The following ROBO2 variants were observed in gnomAD, a reference collection of about 807,000 sequenced individuals.
ROBO2 encodes roundabout guidance receptor 2, also known as roundabout homolog 2.
A neutral mutation model predicts 160.8 loss-of-function variants in ROBO2; 53 were observed. The observed-to-expected ratio is 0.33, with a 90% CI of 0.26 to 0.41. ROBO2 has a LOEUF of 0.41. ROBO2 is among the 10% of genes least tolerant of loss of function. The pLI, the probability that ROBO2 is intolerant of heterozygous loss-of-function variation, is 1.00. For synonymous variants in ROBO2, 664 were observed against 611.7 expected, an observed-to-expected ratio of 1.09 and a Z score of -1.26; for missense variants, 1,577 against 1,722.4, an observed-to-expected ratio of 0.92 and a Z score of 1.49.
chr3:76,632,222 A>G lies in ROBO2; in HGVS notation c.110-465792A>G, dbSNP rs189127791. 2.6e-5 allele frequency among the ~76,000 whole-genome samples: 4 copies of G among 152,324 alleles called. No individual in the cohort carries two copies. In the East Asian group the frequency reaches 5.8e-4, roughly 22 times the overall value. ...GGAGAAGTCACTTAACTTCAGTAGA[A>G]TCCTATAATGTCCTCATCTGTAAAT... On this transcript the variant is annotated intron_variant, in intron 2 of 26. Coordinates refer to the ROBO2 transcript ENST00000487694.
chr3:77,100,259 C>T (rs1419359487), intron 2 of ROBO2, among the ~76,000 whole-genome samples: 3 of 151,976 alleles, frequency 2.0e-5, no homozygotes, highest in Non-Finnish European at 4.4e-5. Flanking sequence ...GAGAGGAAAA[C>T]AAGAAGGCTT....
intron 9 of ROBO2, among the ~76,000 whole-genome samples, chr3:77,561,861 T>C (rs1396083487): frequency 1.3e-5 from 2 of 152,130 alleles, no homozygotes; most frequent in Non-Finnish European, 2.9e-5. Flanking sequence ...CCCAGCACTT[T>C]GGGAGGCTGA....
At chr3:77,361,170 G>T (rs2069929890) in intron 2 of ROBO2, among the ~76,000 whole-genome samples, 1 of 152,062 alleles carries the variant, frequency 6.6e-6, no homozygotes, top group African/African-American at 2.4e-5. Context: ...AATGCAGTTT[G>T]CCCAGTTAAA....
At chr3:76,456,987 A>C (rs927818209) in intron 2 of ROBO2, among the ~76,000 whole-genome samples, 1 of 152,148 alleles carries the variant, frequency 6.6e-6, no homozygotes, top group Non-Finnish European at 1.5e-5. Context: ...GGTTCCTCCC[A>C]TAACATGTGA....
At chr3:76,019,818 G>A (rs1232326789) in intron 2 of ROBO2, among the ~76,000 whole-genome samples, 1 of 151,488 alleles carries the variant, frequency 6.6e-6, no homozygotes, top group African/African-American at 2.4e-5. Flanking sequence ...TTTCTCTGAA[G>A]TTCTGTGCGT....
chr3:76,325,329 TTAAAC>T (rs1336331163), intron 2 of ROBO2, among the ~76,000 whole-genome samples: 3 of 152,362 alleles, frequency 2.0e-5, no homozygotes, highest in East Asian at 1.9e-4. Flanking sequence ...GTACAGTAGA[TTAAAC>T]TAAGTTTACT....
At chr3:76,372,079 A>G (rs956526886) in intron 2 of ROBO2, among the ~76,000 whole-genome samples, 2 of 151,888 alleles carry the variant, frequency 1.3e-5, no homozygotes, top group Non-Finnish European at 2.9e-5. Context: ...CGTGTGTTTA[A>G]TTATAACATG....
chr3:77,374,038 C>T (rs1411665938), intron 2 of ROBO2, among the ~76,000 whole-genome samples: 1 of 150,828 alleles, frequency 6.6e-6, no homozygotes, highest in Non-Finnish European at 1.5e-5. Context: ...GGTGTGGTGG[C>T]GGGTGCCTGT....
chr3:76,027,090 A>G (rs565387730), intron 2 of ROBO2, among the ~76,000 whole-genome samples: 1 of 151,938 alleles, frequency 6.6e-6, no homozygotes, highest in Non-Finnish European at 1.5e-5. Flanking sequence ...TATGACTCCC[A>G]ATTTTCATTT....
intron 2 of ROBO2, among the ~76,000 whole-genome samples, chr3:76,761,470 ATATAT>A (rs1560515666): frequency 1.3e-5 from 2 of 151,726 alleles, no homozygotes; most frequent in Admixed American, 6.6e-5. Context: ...GGCTGGGAAA[ATATAT>A]TATATGATTC....
At chr3:76,411,610 A>G (rs2075489765) in intron 2 of ROBO2, among the ~76,000 whole-genome samples, 1 of 152,012 alleles carries the variant, frequency 6.6e-6, no homozygotes, top group South Asian at 2.1e-4. Context: ...TTTTTCCACC[A>G]CACCAGTTCA....
chr3:76,711,810 T>C (rs567099238), intron 2 of ROBO2, among the ~76,000 whole-genome samples: 2 of 152,346 alleles, frequency 1.3e-5, no homozygotes, highest in East Asian at 3.9e-4. Context: ...GAAACTCCTA[T>C]TGATTTTAAC....
intron 2 of ROBO2, among the ~76,000 whole-genome samples, chr3:76,896,878 A>G (rs1218324051): frequency 6.6e-6 from 1 of 152,176 alleles, no homozygotes; most frequent in Non-Finnish European, 1.5e-5. Flanking sequence ...AGTATTTTTA[A>G]GCTCCAAATT....
chr3:77,295,141 A>C (rs535283816), intron 2 of ROBO2, among the ~76,000 whole-genome samples: 1 of 150,966 alleles, frequency 6.6e-6, no homozygotes, highest in South Asian at 2.1e-4. Context: ...CCAGATATAA[A>C]GTAAAATTGA....
chr3:77,129,593 G>A (rs971381565), intron 2 of ROBO2, among the ~76,000 whole-genome samples: 3 of 152,166 alleles, frequency 2.0e-5, no homozygotes, highest in Non-Finnish European at 4.4e-5. Flanking sequence ...GGCAGATGAG[G>A]CAAAACTTTG....
At chr3:77,621,435 T>TTAAATAAA (rs10695873) in intron 22 of ROBO2, among the ~76,000 whole-genome samples, 70 of 150,422 alleles carry the variant, frequency 4.7e-4, no homozygotes, top group South Asian at 1.1e-3. Flanking sequence ...CTCCAAAAAA[T>TTAAATAAA]TAAATAAATA....
Position 77,205,800 on chromosome 3 carries a change from G to C in ROBO2, c.388+107460G>C, listed in dbSNP as rs116202195. Among the ~76,000 whole-genome samples, 611 of 152,260 alleles carry C rather than the reference G, an allele frequency of 4.0e-3. 5 individuals carry two copies. The highest frequency in any genetic ancestry group is 0.014 in the African/African-American group (590 of 41,556). ...AGGAACTCACTTTGAGTGAAGATAA[G>C]GCAAATATTGAAATATATAGAAAGG... On this transcript the variant is annotated intron_variant, in intron 2 of 25. Coordinates refer to ENST00000461745, the Ensembl canonical transcript of ROBO2.
In ROBO2 at chr3:76,626,786, G is replaced by A. The variant is rs1043325525; in HGVS notation, c.110-471228G>A. 9.2e-5 allele frequency among the ~76,000 whole-genome samples: 14 copies of A among 151,950 alleles called. No homozygotes were observed. In the East Asian group the frequency reaches 9.7e-4, roughly 11 times the overall value. On this transcript the variant is annotated intron_variant, in intron 2 of 26. Coordinates refer to the ROBO2 transcript ENST00000487694. ...CTGCTCACTGCAAGTTCCGCCTCCC[G>A]GGTTCACGTCATTCTCCTGCCTCAG...
chr3:76,071,166 A>G (rs1293574286), intron 2 of ROBO2, among the ~76,000 whole-genome samples: 1 of 152,210 alleles, frequency 6.6e-6, no homozygotes, highest in East Asian at 1.9e-4. Context: ...ATAAACATCA[A>G]CTGGTTCTAA....
Sources: allele counts gnomAD v4.1 joint callset (sites outside exome capture counted in the v4.1 genomes callset), GRCh38; gene constraint gnomAD v4.1.1; transcripts MANE v1.5; gene names NCBI Gene and HGNC (gene_info 2026-07-23, HGNC 2026-07-21).